Variants in SASH1 observed in about 807,000 individuals in gnomAD.
SASH1 encodes SAM and SH3 domain-containing protein 1.
Under a neutral mutation model 125.2 loss-of-function variants are expected in SASH1, and 44 were observed. That is an observed-to-expected ratio of 0.35 (90% CI 0.28 to 0.45). The LOEUF is 0.45. SASH1 is among the 20% of genes least tolerant of loss of function. The pLI is 1.00. For missense variants in SASH1, 1,426 were observed against 1,614.5 expected, an observed-to-expected ratio of 0.88 and a Z score of 2.00; for synonymous variants, 639 against 649.1, an observed-to-expected ratio of 0.98 and a Z score of 0.24.
intron 16 of SASH1, 147 bp downstream of exon 16, chr6:148,535,048 G>A (rs1415334583): frequency 2.7e-5 from 27 of 992,504 alleles, no homozygotes; most frequent in East Asian, 2.5e-4. Context: ...GTCCCTGTAC[G>A]CACAGAGGTG....
the SASH1 span, among the ~76,000 whole-genome samples, chr6:148,211,804 G>C: frequency 3.9e-5 from 6 of 152,132 alleles, no homozygotes; most frequent in South Asian, 1.2e-3. Flanking sequence ...GATGTGGGTG[G>C]CCTGTGACGG....
At position 148,495,728 on chromosome 6, in the gene SASH1, A is replaced by G. The variant is rs1054973437; in HGVS notation, c.729+8013A>G. On this transcript the variant is annotated intron_variant, in intron 8 of 19. Transcript: ENST00000367467. This position sits in a 1 kb window ranked among gnomAD's most constrained non-coding sequence, Gnocchi z 4.0. ...TGAATATTGATTAGATGCATAAATT[A>G]TGTGAAGAGTGACACATACTGTAGT... Among the ~76,000 whole-genome samples, 4 of 152,240 alleles carry G rather than the reference A, an allele frequency of 2.6e-5. No homozygotes were observed. The highest frequency in any genetic ancestry group is 4.4e-5 in the Non-Finnish European group (3 of 68,040).
chr6:148,368,779 C>CACACACACACACACACACACAT (rs1782591430), intron 1 of SASH1, among the ~76,000 whole-genome samples: 1 of 151,850 alleles, frequency 6.6e-6, no homozygotes, highest in South Asian at 2.1e-4. Flanking sequence ...CGCACACACA[C>CACACACACACACACACACACAT]ACACACACAC....
At chr6:148,461,002 G>C (rs532793437) in intron 4 of SASH1, among the ~76,000 whole-genome samples, 1 of 152,314 alleles carries the variant, frequency 6.6e-6, no homozygotes, top group Non-Finnish European at 1.5e-5. Flanking sequence ...GACTAAGTTC[G>C]TCAGTTTGGG....
intron 11 of SASH1, among the ~76,000 whole-genome samples, chr6:148,526,934 G>A (rs1002505894): frequency 1.5e-4 from 22 of 149,022 alleles, no homozygotes; most frequent in African/African-American, 4.2e-4. Context: ...GTGCAGTGAC[G>A]CGATCTCAGC....
chr6:148,272,228 T>C, upstream of SASH1: 1 of 386,264 alleles, frequency 2.6e-6, no homozygotes, highest in South Asian at 2.1e-5. Context: ...GCTGTGAGAG[T>C]GTCCCACATC....
At chr6:148,407,036 T>C (rs1784406539) in intron 2 of SASH1, among the ~76,000 whole-genome samples, 1 of 152,252 alleles carries the variant, frequency 6.6e-6, no homozygotes. Flanking sequence ...TTATCTTGTA[T>C]TATTTTAGTT....
intron 16 of SASH1, among the ~76,000 whole-genome samples, chr6:148,538,765 T>C (rs931727807): frequency 1.3e-5 from 2 of 152,210 alleles, no homozygotes; most frequent in Non-Finnish European, 2.9e-5. Flanking sequence ...ATTTCTGGCT[T>C]ATTGATTTCT....
At chr6:148,348,714 C>G (rs1781597255) in intron 1 of SASH1, among the ~76,000 whole-genome samples, 2 of 152,306 alleles carry the variant, frequency 1.3e-5, no homozygotes, top group South Asian at 4.1e-4. Context: ...AAACTGACTT[C>G]CATTTGCAAC....
At chr6:148,536,390 A>C (rs1296955296) in intron 16 of SASH1, among the ~76,000 whole-genome samples, 2 of 152,154 alleles carry the variant, frequency 1.3e-5, no homozygotes, top group African/African-American at 4.8e-5. Flanking sequence ...CCCAAGCTGG[A>C]GTGCAGTGGT....
Position 148,379,960 on chromosome 6 carries a change from A to G in SASH1, c.157-10174A>G, listed in dbSNP as rs374272089. On this transcript the variant is annotated intron_variant, in intron 1 of 19. Transcript: ENST00000367467. ...CAAGTCCTGGATATCGTGTGCAGCC[A>G]TTTGTGAGATGCGGAACGTAGGTGC... The G allele has an allele frequency of 2.4e-5, 11 of 456,558 alleles. No homozygotes were observed. In the East Asian group the frequency reaches 4.2e-4, roughly 17 times the overall value. 28.3% of individuals were successfully genotyped at this position (456,558 alleles called of 1,614,324 possible). A position where few individuals can be genotyped will look rare whatever the true frequency, so the allele number is the denominator to read the frequency against.
chr6:148,543,462 A>T (rs1266429026), intron 17 of SASH1, among the ~76,000 whole-genome samples: 1 of 152,182 alleles, frequency 6.6e-6, no homozygotes, highest in Non-Finnish European at 1.5e-5. Flanking sequence ...AGTCTTCATG[A>T]TTCCTTTAAT....
At chr6:148,390,385 G>A (rs1439234701) in intron 2 of SASH1, 123 bp downstream of exon 2, 3 of 951,260 alleles carry the variant, frequency 3.2e-6, no homozygotes, top group East Asian at 2.8e-5. Flanking sequence ...CTGCACTAGT[G>A]TGGGGTAGAA....
intron 2 of SASH1, among the ~76,000 whole-genome samples, chr6:148,409,016 C>T (rs1011653660): frequency 6.6e-6 from 1 of 152,228 alleles, no homozygotes; most frequent in African/African-American, 2.4e-5. Context: ...GTCACTCCAC[C>T]CTGCTCTAAT....
intron 1 of SASH1, among the ~76,000 whole-genome samples, chr6:148,387,464 T>TTTCTC (rs772663455): frequency 2.0e-5 from 3 of 151,340 alleles, no homozygotes; most frequent in Non-Finnish European, 4.4e-5. Flanking sequence ...TTTCTTCTCT[T>TTTCTC]TTCTCTTCTC....
chr6:148,527,991 G>GAGA (rs1408578489), intron 12 of SASH1, among the ~76,000 whole-genome samples: 1 of 135,586 alleles, frequency 7.4e-6, no homozygotes, highest in Admixed American at 7.3e-5. Flanking sequence ...TTTTTTTTGG[G>GAGA]GGGGGGGGTG....
chr6:148,355,525 T>C (rs972823993), intron 1 of SASH1, among the ~76,000 whole-genome samples: 2 of 152,250 alleles, frequency 1.3e-5, no homozygotes, highest in African/African-American at 4.8e-5. Context: ...AACTGGCTCC[T>C]TTTTCAACAG....
intron 7 of SASH1, chr6:148,478,622 C>T (rs148731051): frequency 2.0e-5 from 3 of 152,278 alleles, no homozygotes; most frequent in Non-Finnish European, 4.4e-5. Flanking sequence ...TTTGCTAGCA[C>T]AACAGGGTGA....
At chr6:148,537,878 CTTCAGGTCAAAG>C (rs1781960042) in intron 16 of SASH1, among the ~76,000 whole-genome samples, 1 of 150,782 alleles carries the variant, frequency 6.6e-6, no homozygotes, top group Non-Finnish European at 1.5e-5. Context: ...AGCAGAGTCC[CTTCAGGTCAAAG>C]TTCAGGTCAT....
Sources: allele counts gnomAD v4.1 joint callset (sites outside exome capture counted in the v4.1 genomes callset), GRCh38; gene constraint gnomAD v4.1.1; non-coding constraint Gnocchi (gnomAD v3.1); transcripts MANE v1.5; gene names NCBI Gene and HGNC (gene_info 2026-07-23, HGNC 2026-07-21).